Variants in SLC9A9 observed in about 807,000 individuals in gnomAD.
The protein encoded by SLC9A9 is sodium/hydrogen exchanger 9.
In SLC9A9, 62 loss-of-function variants were observed where a neutral mutation model predicts 77.8. The ratio of observed to expected loss-of-function variants is 0.80; its 90% CI spans 0.65 to 0.98. SLC9A9 has a LOEUF of 0.98. Among genes scored for constraint, SLC9A9 ranks in the 50% least tolerant of loss-of-function variants. The pLI is 0.00. For missense variants in SLC9A9, 775 were observed against 774.9 expected, an observed-to-expected ratio of 1.00 and a Z score of 0.00; for synonymous variants, 320 against 283.5, an observed-to-expected ratio of 1.13 and a Z score of -1.29.
At chr3:143,394,005 C>T (rs2033635967) in intron 12 of SLC9A9, among the ~76,000 whole-genome samples, 1 of 152,048 alleles carries the variant, frequency 6.6e-6, no homozygotes, top group Admixed American at 6.6e-5. Flanking sequence ...GATTCACAGC[C>T]GAATTCTACC....
intron 8 of SLC9A9, among the ~76,000 whole-genome samples, chr3:143,570,714 G>A (rs1359213986): frequency 6.6e-6 from 1 of 151,962 alleles, no homozygotes; most frequent in South Asian, 2.1e-4. Flanking sequence ...AATGAAAAAA[G>A]CAAGTTACTT....
At chr3:143,689,226 C>T (rs1933377214) in intron 5 of SLC9A9, among the ~76,000 whole-genome samples, 1 of 152,026 alleles carries the variant, frequency 6.6e-6, no homozygotes. Context: ...AATACATTTA[C>T]CATTATCTCT....
intron 6 of SLC9A9, among the ~76,000 whole-genome samples, chr3:143,617,215 A>G (rs1438244918): frequency 6.6e-6 from 1 of 152,234 alleles, no homozygotes; most frequent in East Asian, 1.9e-4. Flanking sequence ...TGATTAGGCA[A>G]GAGTCAGCAA....
chr3:143,500,221 T>G (rs2035903167), intron 9 of SLC9A9, among the ~76,000 whole-genome samples: 1 of 152,214 alleles, frequency 6.6e-6, no homozygotes, highest in Non-Finnish European at 1.5e-5. Context: ...GTTATGTTTT[T>G]CAAAGAATTT....
chr3:143,829,943 G>C lies in SLC9A9; in HGVS notation c.378+2076C>G, dbSNP rs527414944. ...CACAAATAAGAAAGTTAGGGATTAG[G>C]AAGCTTAAGAAACTCAAAGAAGGGG... On this transcript the variant is annotated intron_variant, in intron 2 of 15. Transcript: ENST00000316549. 9.4e-4 allele frequency among the ~76,000 whole-genome samples: 143 copies of C among 152,256 alleles called. 1 individual carries two copies. Among genetic ancestry groups the C allele is most frequent in the Non-Finnish European group, 1.7e-3 (115 of 68,014 alleles).
At chr3:143,624,315 A>G (rs1216536285) in intron 6 of SLC9A9, among the ~76,000 whole-genome samples, 1 of 152,214 alleles carries the variant, frequency 6.6e-6, no homozygotes, top group African/African-American at 2.4e-5. Flanking sequence ...ACAACAAAAA[A>G]AGAGAATTTT....
chr3:143,465,288 G>T (rs1331341594), intron 12 of SLC9A9, among the ~76,000 whole-genome samples: 1 of 152,140 alleles, frequency 6.6e-6, no homozygotes, highest in Admixed American at 6.5e-5. Flanking sequence ...CTATAACCTG[G>T]ATAACTGTCC....
At chr3:143,825,664 A>G (rs1430480194) in intron 2 of SLC9A9, among the ~76,000 whole-genome samples, 2 of 152,302 alleles carry the variant, frequency 1.3e-5, no homozygotes, top group Non-Finnish European at 2.9e-5. Context: ...ACTCACTTCA[A>G]AGTAACTTCC....
intron 11 of SLC9A9, among the ~76,000 whole-genome samples, chr3:143,474,476 C>G (rs992020928): frequency 1.3e-5 from 2 of 152,082 alleles, no homozygotes; most frequent in African/African-American, 4.8e-5. Context: ...CAGATCAGAC[C>G]ACTGATGATA....
intron 5 of SLC9A9, among the ~76,000 whole-genome samples, chr3:143,661,773 C>T (rs1247612626): frequency 6.6e-6 from 1 of 152,156 alleles, no homozygotes; most frequent in African/African-American, 2.4e-5. Flanking sequence ...GATCCACCCA[C>T]CTCAGCCTCC....
intron 5 of SLC9A9, among the ~76,000 whole-genome samples, chr3:143,687,803 A>T (rs1347389138): frequency 1.3e-5 from 2 of 152,106 alleles, no homozygotes; most frequent in African/African-American, 4.8e-5. Context: ...AATGTATAAA[A>T]TCGAAGTGGC....
intron 6 of SLC9A9, among the ~76,000 whole-genome samples, chr3:143,644,111 TAGAC>T (rs2038665541): frequency 6.6e-6 from 1 of 152,162 alleles, no homozygotes; most frequent in Admixed American, 6.5e-5. Flanking sequence ...AAAGAACAGA[TAGAC>T]AGCCATGTTT....
chr3:143,297,771 A>G (rs2030342382), intron 14 of SLC9A9, among the ~76,000 whole-genome samples: 1 of 152,064 alleles, frequency 6.6e-6, no homozygotes, highest in African/African-American at 2.4e-5. Context: ...AATGAAATTA[A>G]TTTTCTTTTT....
intron 12 of SLC9A9, among the ~76,000 whole-genome samples, chr3:143,407,456 A>C (rs2034003868): frequency 6.6e-6 from 1 of 152,334 alleles, no homozygotes; most frequent in African/African-American, 2.4e-5. Flanking sequence ...AAAAGAGGAA[A>C]TATGCCATTC....
At chr3:143,428,152 G>A (rs2034440020) in intron 12 of SLC9A9, among the ~76,000 whole-genome samples, 1 of 152,076 alleles carries the variant, frequency 6.6e-6, no homozygotes, top group African/African-American at 2.4e-5. Context: ...TAGAGACTGG[G>A]AGGAAGTATT....
intron 4 of SLC9A9, among the ~76,000 whole-genome samples, chr3:143,779,572 T>A (rs1208126510): frequency 6.6e-6 from 1 of 152,198 alleles, no homozygotes; most frequent in African/African-American, 2.4e-5. Context: ...GGTTTCACCA[T>A]GTTGGCCAGG....
At chr3:143,526,856 A>T (rs1331081443) in intron 9 of SLC9A9, among the ~76,000 whole-genome samples, 1 of 152,224 alleles carries the variant, frequency 6.6e-6, no homozygotes, top group Non-Finnish European at 1.5e-5. Context: ...GTCTTAGGGC[A>T]AAGTATATGT....
intron 13 of SLC9A9, among the ~76,000 whole-genome samples, chr3:143,372,563 T>C (rs1022668830): frequency 1.3e-5 from 2 of 152,092 alleles, no homozygotes; most frequent in Non-Finnish European, 2.9e-5. Flanking sequence ...GATCTAGGCA[T>C]AGAATTCATG....
At chr3:143,585,566 T>C (rs941497530) in intron 6 of SLC9A9, among the ~76,000 whole-genome samples, 1 of 152,200 alleles carries the variant, frequency 6.6e-6, no homozygotes, top group Non-Finnish European at 1.5e-5. Context: ...CACATGTCAT[T>C]AGGACTTCCT....
Sources: allele counts gnomAD v4.1 joint callset (sites outside exome capture counted in the v4.1 genomes callset), GRCh38; gene constraint gnomAD v4.1.1; transcripts MANE v1.5; gene names NCBI Gene and HGNC (gene_info 2026-07-23, HGNC 2026-07-21).